TTC28: variants seen among roughly 807,000 people sequenced by gnomAD.
TTC28 encodes tetratricopeptide repeat domain 28, also known as tetratricopeptide repeat protein 28.
In TTC28, 61 loss-of-function variants were observed where a neutral mutation model predicts 198.0. The observed-to-expected ratio is 0.31, with a 90% CI of 0.25 to 0.38. The LOEUF (loss-of-function observed/expected upper bound fraction) is 0.38. Among genes scored for constraint, TTC28 ranks in the 10% least tolerant of loss-of-function variants. TTC28 has a pLI of 1.00. For missense variants in TTC28, 2,678 were observed against 3,164.0 expected (o/e 0.85, Z 3.69); for synonymous variants, 1,171 against 1,297.8 (o/e 0.90, Z 2.10).
At chr22:28,245,962 C>T (rs537430913) in intron 5 of TTC28, among the ~76,000 whole-genome samples, 1 of 152,248 alleles carries the variant, frequency 6.6e-6, no homozygotes, top group East Asian at 1.9e-4. Flanking sequence ...ATCTGAAATG[C>T]TTCCTATGTT....
chr22:28,546,975 A>C (rs567432940), intron 2 of TTC28, among the ~76,000 whole-genome samples: 1 of 152,300 alleles, frequency 6.6e-6, no homozygotes, highest in East Asian at 1.9e-4. Flanking sequence ...AGGTAGGGAC[A>C]CAGGGATGGA....
At chr22:28,472,362 C>A (rs191766835) in intron 2 of TTC28, among the ~76,000 whole-genome samples, 2 of 151,956 alleles carry the variant, frequency 1.3e-5, no homozygotes, top group African/African-American at 2.4e-5. Flanking sequence ...GAACCTTAAG[C>A]GGTGAAGAAA....
At chr22:28,416,979 C>T (rs564271693) in intron 2 of TTC28, among the ~76,000 whole-genome samples, 210 of 152,194 alleles carry the variant, frequency 1.4e-3, no homozygotes, top group Middle Eastern at 0.01. Flanking sequence ...ATTTTGCAAG[C>T]GAGTTTCTTT....
At chr22:28,154,281 T>C (rs1415061977) in intron 6 of TTC28, among the ~76,000 whole-genome samples, 3 of 151,736 alleles carry the variant, frequency 2.0e-5, no homozygotes, top group Admixed American at 6.6e-5. Context: ...ATCATTGTTA[T>C]GCAACTACAG....
chr22:28,219,822 A>C (rs140977745), intron 5 of TTC28, among the ~76,000 whole-genome samples: 1 of 152,370 alleles, frequency 6.6e-6, no homozygotes, highest in East Asian at 1.9e-4. Flanking sequence ...TTCTGCCAGT[A>C]AACCTTTGTG....
intron 12 of TTC28, among the ~76,000 whole-genome samples, chr22:28,070,795 A>G (rs1340927422): frequency 6.6e-6 from 1 of 152,226 alleles, no homozygotes; most frequent in Non-Finnish European, 1.5e-5. Context: ...TGAGGTGATA[A>G]TCAATATATG....
At chr22:28,383,890 G>GTCC (rs2046533718) in intron 2 of TTC28, among the ~76,000 whole-genome samples, 1 of 152,140 alleles carries the variant, frequency 6.6e-6, no homozygotes, top group Non-Finnish European at 1.5e-5. Context: ...AACCTCTGAT[G>GTCC]TCCTCCTATT....
At chr22:28,496,203 T>C (rs190576826) in intron 2 of TTC28, among the ~76,000 whole-genome samples, 1 of 152,236 alleles carries the variant, frequency 6.6e-6, no homozygotes, top group East Asian at 1.9e-4. Flanking sequence ...CCTTTACCAT[T>C]TATACTCCAT....
At chr22:28,518,716 A>T (rs898341505) in intron 2 of TTC28, among the ~76,000 whole-genome samples, 4 of 152,266 alleles carry the variant, frequency 2.6e-5, no homozygotes, top group African/African-American at 9.6e-5. Context: ...ACTTATGTGG[A>T]AGTAACATGT....
intron 3 of TTC28, among the ~76,000 whole-genome samples, chr22:28,302,624 G>C (rs2045049241): frequency 6.6e-6 from 1 of 152,200 alleles, no homozygotes; most frequent in African/African-American, 2.4e-5. Flanking sequence ...GCTGGAATTA[G>C]ATTCCAATCT....
Position 28,018,427 on chromosome 22 carries a change from T to C in TTC28, c.4074-4035A>G, listed in dbSNP as rs186802310. On this transcript the variant is annotated intron_variant, in intron 13 of 22. Coordinates refer to ENST00000397906, the MANE Select transcript of TTC28 (RefSeq NM_001145418.2). The stretch of plus-strand genomic sequence containing the variant: ...AAAACCAACCAACCTGCAACCGTGA[T>C]TTGAGGTCAAAGTAAATCCATCAAG... 4.6e-5 allele frequency among the ~76,000 whole-genome samples: 7 copies of C among 152,268 alleles called. No homozygotes were observed. The East Asian group carries it at 1.3e-3, about 29-fold the overall frequency.
In TTC28 at chr22:28,670,367, C is replaced by G. The variant is rs1457392952; in HGVS notation, c.102+9255G>C. On this transcript the variant is annotated intron_variant, in intron 1 of 22. Coordinates refer to ENST00000397906, the MANE Select transcript of TTC28 (RefSeq NM_001145418.2). ...CCCCACCCAACGTTCGTGACAAACA[C>G]TAATCTTCTTTCCCTCTCTATGCAT... Among the ~76,000 whole-genome samples, 4 of 152,238 alleles carry G rather than the reference C, an allele frequency of 2.6e-5. No homozygotes were observed. In the East Asian group the frequency reaches 7.7e-4, roughly 29 times the overall value.
intron 1 of TTC28, among the ~76,000 whole-genome samples, chr22:28,675,735 TCACACACACA>T (rs71316854): frequency 3.0e-4 from 41 of 135,206 alleles, no homozygotes; most frequent in South Asian, 7.6e-4. Flanking sequence ...TGAAACCCTG[TCACACACACA>T]CACACACACA....
chr22:27,994,319 A>C (rs1481003527), intron 17 of TTC28, among the ~76,000 whole-genome samples: 1 of 152,178 alleles, frequency 6.6e-6, no homozygotes, highest in Non-Finnish European at 1.5e-5. Context: ...ACAGTAGTGC[A>C]AACAGCTTTC....
At chr22:28,419,937 A>C (rs2047222413) in intron 2 of TTC28, among the ~76,000 whole-genome samples, 1 of 152,234 alleles carries the variant, frequency 6.6e-6, no homozygotes. Context: ...TGAAATCCAT[A>C]TTACAGGGTA....
chr22:28,119,327 A>C (rs186516969), intron 6 of TTC28, among the ~76,000 whole-genome samples: 12 of 152,352 alleles, frequency 7.9e-5, no homozygotes, highest in African/African-American at 2.4e-4. Context: ...TCAATATTAC[A>C]AATAACAAAA....
chr22:28,459,927 G>A (rs541676058), intron 2 of TTC28: 3 of 152,162 alleles, frequency 2.0e-5, no homozygotes, highest in South Asian at 2.1e-4. Context: ...GCTGTCCTGC[G>A]GAGAGAGAAT....
intron 5 of TTC28, among the ~76,000 whole-genome samples, chr22:28,165,746 C>G (rs1195930519): frequency 6.6e-6 from 1 of 152,124 alleles, no homozygotes; most frequent in Admixed American, 6.6e-5. Context: ...AAAGACCATC[C>G]AGGCTAGGAA....
At chr22:28,548,599 C>T (rs1242579469) in intron 2 of TTC28, among the ~76,000 whole-genome samples, 2 of 152,200 alleles carry the variant, frequency 1.3e-5, no homozygotes, top group South Asian at 2.1e-4. Flanking sequence ...GAGCAAATAG[C>T]CGAGAGGCAG....
Sources: gnomAD v4.1 joint callset for allele counts (sites outside exome capture counted in the v4.1 genomes callset) on GRCh38, gnomAD v4.1.1 for gene constraint, MANE v1.5 for transcripts, NCBI Gene and HGNC (gene_info 2026-07-23, HGNC 2026-07-21) for gene names.